CA10: variants seen among roughly 807,000 people sequenced by gnomAD.
CA10 encodes carbonic anhydrase 10 (inactive), also known as carbonic anhydrase-related protein 10.
In CA10, 14 loss-of-function variants were observed where a neutral mutation model predicts 44.2. The ratio of observed to expected loss-of-function variants is 0.32; its 90% CI spans 0.21 to 0.50. CA10 has a LOEUF of 0.50. CA10 is among the 20% of genes least tolerant of loss of function. The pLI is 0.99. For missense variants in CA10, 350 were observed against 409.7 expected, an observed-to-expected ratio of 0.85 and a Z score of 1.26; for synonymous variants, 159 against 141.6, an observed-to-expected ratio of 1.12 and a Z score of -0.87.
intron 2 of CA10, among the ~76,000 whole-genome samples, chr17:52,069,550 G>A (rs771765413): frequency 2.0e-5 from 3 of 152,140 alleles, no homozygotes; most frequent in Non-Finnish European, 2.9e-5. Context: ...AACCCTGTTG[G>A]AGCCCTTGTT....
At chr17:51,846,413 G>T (rs1200867938) in intron 3 of CA10, among the ~76,000 whole-genome samples, 2 of 152,306 alleles carry the variant, frequency 1.3e-5, no homozygotes, top group East Asian at 3.9e-4. Context: ...GGCTGCCTAT[G>T]GTCAGAAATG....
intron 3 of CA10, among the ~76,000 whole-genome samples, chr17:51,756,868 A>C (rs1905095090): frequency 6.6e-6 from 1 of 152,090 alleles, no homozygotes; most frequent in Non-Finnish European, 1.5e-5. Context: ...GGTTGGGTTT[A>C]ATGTATCCAG....
At chr17:51,683,824 G>A (rs2143398615) in intron 4 of CA10, among the ~76,000 whole-genome samples, 1 of 152,216 alleles carries the variant, frequency 6.6e-6, no homozygotes, top group East Asian at 1.9e-4. Flanking sequence ...GATTAACATG[G>A]ATAAATGAAT....
chr17:52,052,094 C>T (rs949413542), intron 2 of CA10, among the ~76,000 whole-genome samples: 3 of 151,464 alleles, frequency 2.0e-5, no homozygotes, highest in Admixed American at 6.6e-5. Context: ...CACAGGGACA[C>T]ATAGAGGGTA....
At chr17:51,805,360 C>A (rs1362289625) in intron 3 of CA10, among the ~76,000 whole-genome samples, 2 of 152,072 alleles carry the variant, frequency 1.3e-5, no homozygotes, top group Non-Finnish European at 2.9e-5. Context: ...TATTATAATT[C>A]CTGAGAAGGA....
chr17:51,962,017 C>T (rs1477715333), intron 2 of CA10, among the ~76,000 whole-genome samples: 1 of 152,222 alleles, frequency 6.6e-6, no homozygotes, highest in Non-Finnish European at 1.5e-5. Flanking sequence ...GACTGAGCCA[C>T]CCAACTCCTC....
intron 2 of CA10, among the ~76,000 whole-genome samples, chr17:52,051,240 C>A (rs1598187541): frequency 6.6e-6 from 1 of 152,006 alleles, no homozygotes; most frequent in South Asian, 2.1e-4. Context: ...CAGACATGGG[C>A]AAAGATTTCA....
chr17:51,728,763 T>G (rs1413593378), intron 4 of CA10, among the ~76,000 whole-genome samples: 2 of 152,202 alleles, frequency 1.3e-5, no homozygotes, highest in Non-Finnish European at 2.9e-5. Flanking sequence ...GGAAGGAAGT[T>G]ACTAAGTCCT....
intron 1 of CA10, among the ~76,000 whole-genome samples, chr17:52,152,143 A>G (rs1437301683): frequency 6.6e-6 from 1 of 151,984 alleles, no homozygotes; most frequent in East Asian, 1.9e-4. Context: ...ACTGTCTACA[A>G]TCTCAAACAG....
intron 3 of CA10, among the ~76,000 whole-genome samples, chr17:51,889,481 G>A (rs971949256): frequency 7.9e-5 from 12 of 152,040 alleles, no homozygotes; most frequent in African/African-American, 1.2e-4. Context: ...CCATGATTGC[G>A]CCACTGTGCT....
At chr17:51,653,511 C>T (rs1913655106) in intron 5 of CA10, 130 bp downstream of exon 5, 1 of 640,876 alleles carries the variant, frequency 1.6e-6, no homozygotes, top group Middle Eastern at 4.1e-4. Context: ...ATATAAAAGG[C>T]ACCATCCCAT....
intron 4 of CA10, among the ~76,000 whole-genome samples, chr17:51,662,273 C>A (rs1257664690): frequency 6.6e-6 from 1 of 152,170 alleles, no homozygotes; most frequent in Non-Finnish European, 1.5e-5. Flanking sequence ...CAAATGCCCA[C>A]CCTATGCCAG....
chr17:51,697,481 C>T (rs978933024), intron 4 of CA10, among the ~76,000 whole-genome samples: 11 of 152,244 alleles, frequency 7.2e-5, no homozygotes, highest in African/African-American at 2.7e-4. Context: ...TCCCCTCCTC[C>T]ATGAGGCTTG....
chr17:51,994,395 C>T (rs1985154091), intron 2 of CA10, among the ~76,000 whole-genome samples: 8 of 152,016 alleles, frequency 5.3e-5, no homozygotes, highest in Admixed American at 5.3e-4. Flanking sequence ...TGACCTTAGT[C>T]AAGTCACGTT....
intron 4 of CA10, among the ~76,000 whole-genome samples, chr17:51,745,221 A>G (rs1415995996): frequency 1.3e-5 from 2 of 152,140 alleles, no homozygotes; most frequent in Non-Finnish European, 2.9e-5. Context: ...AAACTGGGAT[A>G]ATTCAGGCGG....
At chr17:51,977,742 T>A (rs563883590) in intron 2 of CA10, among the ~76,000 whole-genome samples, 1 of 152,178 alleles carries the variant, frequency 6.6e-6, no homozygotes, top group South Asian at 2.1e-4. Flanking sequence ...GGTAAAGCCA[T>A]TGTTGTTTAT....
At chr17:52,085,089 A>T (rs974930978) in intron 1 of CA10, among the ~76,000 whole-genome samples, 15 of 152,200 alleles carry the variant, frequency 9.9e-5, no homozygotes, top group Admixed American at 7.9e-4. Context: ...TCTCCATCTT[A>T]TTTAGACTTA....
chr17:51,657,288 C>T (rs1006777027), intron 4 of CA10, among the ~76,000 whole-genome samples: 1 of 152,080 alleles, frequency 6.6e-6, no homozygotes, highest in Non-Finnish European at 1.5e-5. Flanking sequence ...AACCTGGGAC[C>T]TGTATCAGTT....
chr17:51,692,362 C>A (rs1186775923), intron 4 of CA10, among the ~76,000 whole-genome samples: 1 of 144,486 alleles, frequency 6.9e-6, no homozygotes, highest in Non-Finnish European at 1.5e-5. Flanking sequence ...ATCTACCTAT[C>A]CATCCTATCT....
Sources: allele counts gnomAD v4.1 joint callset (sites outside exome capture counted in the v4.1 genomes callset), GRCh38; gene constraint gnomAD v4.1.1; transcripts MANE v1.5; gene names NCBI Gene and HGNC (gene_info 2026-07-23, HGNC 2026-07-21).